The following EPHB1 variants were observed in gnomAD, a reference collection of about 807,000 sequenced individuals.
EPHB1 encodes EPH receptor B1.
In EPHB1, 30 loss-of-function variants were observed where a neutral mutation model predicts 94.4. The ratio of observed to expected loss-of-function variants is 0.32; its 90% CI spans 0.24 to 0.43. The LOEUF (loss-of-function observed/expected upper bound fraction) is 0.43. Among genes scored for constraint, EPHB1 ranks in the 20% least tolerant of loss-of-function variants. EPHB1 has a pLI of 1.00. For synonymous variants in EPHB1, 522 were observed against 489.1 expected (o/e 1.07, Z -0.89); for missense variants, 1,055 against 1,308.3 (o/e 0.81, Z 2.99).
chr3:135,233,660 C>T (rs184457254), intron 12 of EPHB1, among the ~76,000 whole-genome samples: 1 of 152,386 alleles, frequency 6.6e-6, no homozygotes, highest in East Asian at 1.9e-4. Context: ...CTAACGTTTC[C>T]CTTCCACACT....
At chr3:134,835,924 T>C (rs992852247) in intron 1 of EPHB1, among the ~76,000 whole-genome samples, 2 of 152,180 alleles carry the variant, frequency 1.3e-5, no homozygotes, top group Non-Finnish European at 2.9e-5. Flanking sequence ...GCATGGGAGC[T>C]CATTTGGTCC....
intron 3 of EPHB1, among the ~76,000 whole-genome samples, chr3:135,011,761 A>C (rs770171279): frequency 1.3e-5 from 2 of 152,200 alleles, no homozygotes; most frequent in African/African-American, 4.8e-5. Flanking sequence ...GAGAAACCCA[A>C]ATCTGGGCCA....
intron 3 of EPHB1, among the ~76,000 whole-genome samples, chr3:135,083,845 C>T (rs1196736707): frequency 6.6e-6 from 1 of 152,142 alleles, no homozygotes; most frequent in Non-Finnish European, 1.5e-5. Flanking sequence ...ACTCCATCCC[C>T]AAGCTGCCCA....
At chr3:135,238,866 T>G (rs1179391080) in intron 12 of EPHB1, among the ~76,000 whole-genome samples, 1 of 152,192 alleles carries the variant, frequency 6.6e-6, no homozygotes, top group Non-Finnish European at 1.5e-5. Flanking sequence ...TCTCGAGGTG[T>G]GACAACAGCA....
chr3:134,919,208 G>A (rs928574115), intron 1 of EPHB1, among the ~76,000 whole-genome samples: 1 of 152,238 alleles, frequency 6.6e-6, no homozygotes, highest in Non-Finnish European at 1.5e-5. Context: ...AAATGCTGCT[G>A]AAGTTTCACA....
Position 135,248,626 on chromosome 3 carries a change from T to G in EPHB1, c.2690+117T>G. On this transcript the variant is annotated intron_variant, in intron 14 of 15. Coordinates refer to ENST00000398015, the MANE Select transcript of EPHB1 (RefSeq NM_004441.5). ...TTTTAAAGAGTATCTAGTTGCAGTG[T>G]GGGCCTTATGTTGAGGAGAGCAACA... The G allele has an allele frequency of 1.9e-6, 2 of 1,028,110 alleles. 1 individual carries two copies. The highest frequency in any genetic ancestry group is 3.7e-5 in the South Asian group (2 of 54,436). The allele number at this position is 1,028,110 out of a possible 1,614,324, so 63.7% of individuals were successfully genotyped here.
At chr3:135,067,994 C>T (rs567623744) in intron 3 of EPHB1, 9 of 152,358 alleles carry the variant, frequency 5.9e-5, no homozygotes, top group Non-Finnish European at 1.5e-5. Flanking sequence ...GTCAGAGGAT[C>T]CCACTGCAAG....
At chr3:135,068,575 T>C (rs1937616266) in intron 3 of EPHB1, among the ~76,000 whole-genome samples, 2 of 152,310 alleles carry the variant, frequency 1.3e-5, no homozygotes, top group South Asian at 4.1e-4. Context: ...ATGATTTACA[T>C]ATATTTTCTA....
rs575906331 is a variant in EPHB1 at position 134,801,021 on chromosome 3, A to T, written c.58+5332A>T. On this transcript the variant is annotated intron_variant, in intron 1 of 15. Coordinates refer to ENST00000398015, the MANE Select transcript of EPHB1 (RefSeq NM_004441.5). ...TTTTGAAGGCTTTGCATGAAGGAAG[A>T]CTCATATCAGCTGGAATCTAGGGGA... Among the ~76,000 whole-genome samples the T allele has an allele frequency of 1.3e-4, 20 of 152,232 alleles. No homozygotes were observed. The South Asian group carries it at 1.9e-3, about 14-fold the overall frequency.
At chr3:135,047,336 A>G (rs537027401) in intron 3 of EPHB1, among the ~76,000 whole-genome samples, 10 of 152,336 alleles carry the variant, frequency 6.6e-5, no homozygotes, top group Non-Finnish European at 1.2e-4. Context: ...AACTTTCACA[A>G]GGAGAATGAA....
chr3:135,243,785 A>G (rs983403141), intron 13 of EPHB1, among the ~76,000 whole-genome samples: 14 of 152,234 alleles, frequency 9.2e-5, no homozygotes, highest in Admixed American at 7.9e-4. Flanking sequence ...GTCTTTGAAC[A>G]TGTACAGAGA....
At chr3:135,235,385 C>T (rs927951740) in intron 12 of EPHB1, among the ~76,000 whole-genome samples, 3 of 152,134 alleles carry the variant, frequency 2.0e-5, no homozygotes, top group African/African-American at 7.2e-5. Flanking sequence ...TCAGGCCCTA[C>T]CCCAGAACTA....
intron 3 of EPHB1, among the ~76,000 whole-genome samples, chr3:134,971,018 C>T (rs1223087489): frequency 6.6e-6 from 1 of 152,188 alleles, no homozygotes; most frequent in Non-Finnish European, 1.5e-5. Flanking sequence ...AAATTCTAAT[C>T]AGCCCTCAAT....
chr3:134,895,186 C>A (rs1198064711), intron 1 of EPHB1, among the ~76,000 whole-genome samples: 1 of 152,224 alleles, frequency 6.6e-6, no homozygotes, highest in East Asian at 1.9e-4. Flanking sequence ...TCCCTGCTTC[C>A]TTTCCACTGC....
intron 3 of EPHB1, among the ~76,000 whole-genome samples, chr3:134,973,208 C>A (rs1014372790): frequency 6.6e-6 from 1 of 152,182 alleles, no homozygotes; most frequent in Admixed American, 6.5e-5. Context: ...AGACACACAA[C>A]AACAGGATTG....
chr3:135,242,188 C>T (rs1045621223), intron 13 of EPHB1, among the ~76,000 whole-genome samples: 1 of 152,156 alleles, frequency 6.6e-6, no homozygotes, highest in Non-Finnish European at 1.5e-5. Flanking sequence ...GCATACATAC[C>T]CTCCCGTTGG....
chr3:134,884,237 C>T (rs1475390454), intron 1 of EPHB1, among the ~76,000 whole-genome samples: 1 of 152,194 alleles, frequency 6.6e-6, no homozygotes, highest in Non-Finnish European at 1.5e-5. Flanking sequence ...GAGGTACCAC[C>T]TTGGAGCATG....
At chr3:134,954,412 G>A (rs1235545155) in intron 3 of EPHB1, among the ~76,000 whole-genome samples, 2 of 152,148 alleles carry the variant, frequency 1.3e-5, no homozygotes, top group East Asian at 1.9e-4. Flanking sequence ...TGGTGCTCAC[G>A]GAGTGCTGCC....
chr3:135,073,176 C>T (rs971013437), intron 3 of EPHB1, among the ~76,000 whole-genome samples: 12 of 151,320 alleles, frequency 7.9e-5, no homozygotes, highest in African/African-American at 7.3e-5. Context: ...TTTCTTAGTA[C>T]TCTGGGGTTT....
Sources: gnomAD v4.1 joint callset for allele counts (sites outside exome capture counted in the v4.1 genomes callset) on GRCh38, gnomAD v4.1.1 for gene constraint, MANE v1.5 for transcripts, NCBI Gene and HGNC (gene_info 2026-07-23, HGNC 2026-07-21) for gene names.